Variants in NDC1 observed in about 807,000 individuals in gnomAD.
The protein encoded by NDC1 is nucleoporin NDC1.
NDC1 carries 24 observed loss-of-function variants against 89.8 expected under a neutral mutation model. That is an observed-to-expected ratio of 0.27 (90% CI 0.19 to 0.38). The LOEUF is 0.38. Ranked by LOEUF, NDC1 falls within the 10% of genes least tolerant of loss-of-function variation. The pLI is 1.00. For missense variants in NDC1, 728 were observed against 797.6 expected (o/e 0.91, Z 1.05); for synonymous variants, 296 against 284.8 (o/e 1.04, Z -0.39).
At chr1:53,781,759 T>C (rs974284478) in intron 16 of NDC1, among the ~76,000 whole-genome samples, 1 of 152,154 alleles carries the variant, frequency 6.6e-6, no homozygotes, top group Non-Finnish European at 1.5e-5. Context: ...AAGCCAAAAA[T>C]ATATAACAGG....
At chr1:53,791,686 A>G (rs1196994279) in intron 14 of NDC1, among the ~76,000 whole-genome samples, 1 of 152,182 alleles carries the variant, frequency 6.6e-6, no homozygotes, top group Non-Finnish European at 1.5e-5. Flanking sequence ...TAATAGACCC[A>G]CTTGCAAAAC....
rs1647073884 is a variant in NDC1, at chr1:53,767,298, AAAGACC to A, written c.*666_*671del. 1 of 152,212 alleles carries A rather than the reference AAAGACC, an allele frequency of 6.6e-6. No individual in the cohort carries two copies. Among genetic ancestry groups the A allele is most frequent in the African/African-American group, 2.4e-5 (1 of 41,470 alleles). 9.4% of individuals were successfully genotyped at this position (152,212 alleles called of 1,614,324 possible). A position where few individuals can be genotyped will look rare whatever the true frequency, so the allele number is the denominator to read the frequency against. On this transcript the variant is annotated 3_prime_UTR_variant, in exon 18 of 18. Coordinates refer to ENST00000371429, the MANE Select transcript of NDC1 (RefSeq NM_018087.5). Reference sequence around the variant, plus strand: ...CATAGATGTCAGTCAATTGTTTCTTAAAGACCAAATGTGAATTTTTAATCTTGTAAC... The same window carrying A: ...CATAGATGTCAGTCAATTGTTTCTTAAAATGTGAATTTTTAATCTTGTAAC...
At chr1:53,809,372 G>A (rs569691673) in intron 7 of NDC1, among the ~76,000 whole-genome samples, 3 of 152,158 alleles carry the variant, frequency 2.0e-5, no homozygotes, top group African/African-American at 7.2e-5. Context: ...TTCTTTTTGA[G>A]ACAGGGTCTC....
chr1:53,805,095 A>G (rs941256549), intron 9 of NDC1, among the ~76,000 whole-genome samples: 1 of 152,220 alleles, frequency 6.6e-6, no homozygotes, highest in African/African-American at 2.4e-5. Flanking sequence ...GTTATAATTA[A>G]TATTTAAAAG....
intron 2 of NDC1, among the ~76,000 whole-genome samples, chr1:53,833,914 C>T (rs1649148429): frequency 1.3e-5 from 2 of 151,680 alleles, no homozygotes; most frequent in African/African-American, 2.4e-5. Flanking sequence ...CAGCCTCCAC[C>T]CCCCACTCCC....
At chr1:53,769,564 G>T (rs1440017449) in intron 17 of NDC1, among the ~76,000 whole-genome samples, 1 of 152,168 alleles carries the variant, frequency 6.6e-6, no homozygotes, top group Non-Finnish European at 1.5e-5. Context: ...AGTAAATAGT[G>T]TTGAATGAAT....
In NDC1 at chr1:53,767,924, CT is replaced by C. The variant is rs759870110; in HGVS notation, c.*45del. ...GAATGCTGAACATTTACTGTCCCAT[CT>C]GTAGTTGTATCAGCAGTGTAATGAA... On this transcript the variant is annotated 3_prime_UTR_variant, in exon 18 of 18. Transcript: ENST00000371429. The C allele has an allele frequency of 3.4e-6, 4 of 1,163,244 alleles. No individual in the cohort carries two copies. Among genetic ancestry groups the C allele is most frequent in the Non-Finnish European group, 5.0e-6 (4 of 799,834 alleles). 72.1% of individuals were successfully genotyped at this position (1,163,244 alleles called of 1,614,324 possible). A position where few individuals can be genotyped will look rare whatever the true frequency, so the allele number is the denominator to read the frequency against.
chr1:53,812,276 T>C (rs896167523), intron 6 of NDC1, among the ~76,000 whole-genome samples: 2 of 151,962 alleles, frequency 1.3e-5, no homozygotes, highest in African/African-American at 4.8e-5. Context: ...TGACTTAACC[T>C]GAAAAAGAAT....
At chr1:53,790,897 C>T (rs1647475157) in intron 14 of NDC1, among the ~76,000 whole-genome samples, 1 of 152,134 alleles carries the variant, frequency 6.6e-6, no homozygotes, top group Non-Finnish European at 1.5e-5. Context: ...ATGATCAAGT[C>T]ACGGCATTTT....
intron 10 of NDC1, among the ~76,000 whole-genome samples, chr1:53,803,625 G>A (rs1647997511): frequency 6.6e-6 from 1 of 151,970 alleles, no homozygotes; most frequent in Admixed American, 6.5e-5. Flanking sequence ...AGGCTGGAGT[G>A]CAGTAGCGCA....
intron 14 of NDC1, among the ~76,000 whole-genome samples, chr1:53,791,837 TA>T (rs1266107187): frequency 5.3e-5 from 8 of 152,094 alleles, no homozygotes; most frequent in African/African-American, 1.9e-4. Flanking sequence ...AAAATGAGGA[TA>T]AAAAGACATA....
chr1:53,829,353 C>T (rs1311352332), intron 3 of NDC1, among the ~76,000 whole-genome samples: 1 of 152,114 alleles, frequency 6.6e-6, no homozygotes, highest in Non-Finnish European at 1.5e-5. Flanking sequence ...CTAAATATAC[C>T]AAACCCTCTC....
Position 53,765,829 on chromosome 1 carries a change from T to C in NDC1, c.*2141A>G, listed in dbSNP as rs1168687411. 2.6e-5 allele frequency: 4 copies of C among 152,204 alleles called. No individual in the cohort carries two copies. Among genetic ancestry groups the C allele is most frequent in the Non-Finnish European group, 1.5e-5 (1 of 68,038 alleles). 9.4% of individuals were successfully genotyped at this position (152,204 alleles called of 1,614,324 possible). ...CAATGTTACAGCATTAGTGGGCTCA[T>C]AGACAGGATGTGACTTCATCAAAGG... On this transcript the variant is annotated 3_prime_UTR_variant, in exon 18 of 18. Transcript: ENST00000371429.
chr1:53,809,803 C>T, intron 6 of NDC1, 57 bp from the exon 7 acceptor site: 1 of 1,383,954 alleles, frequency 7.2e-7, no homozygotes, highest in South Asian at 1.2e-5. Context: ...AAGTTTTAGT[C>T]AAGCTTTAGA....
At chr1:53,807,233 C>A (rs536634019) in intron 8 of NDC1, among the ~76,000 whole-genome samples, 12 of 108,648 alleles carry the variant, frequency 1.1e-4, no homozygotes, top group Admixed American at 7.1e-4. Context: ...GGTGACAGAG[C>A]GAGACCCTAT....
At chr1:53,800,374 T>C (rs548094258) in intron 11 of NDC1, among the ~76,000 whole-genome samples, 1 of 141,514 alleles carries the variant, frequency 7.1e-6, no homozygotes, top group South Asian at 2.4e-4. Flanking sequence ...TCTCACTCTG[T>C]CGCCAGGCTG....
At chr1:53,813,034 G>C (rs1286957056) in intron 6 of NDC1, among the ~76,000 whole-genome samples, 1 of 152,156 alleles carries the variant, frequency 6.6e-6, no homozygotes, top group African/African-American at 2.4e-5. Flanking sequence ...AAAACATACA[G>C]CCTTTTTCAG....
At chr1:53,812,826 G>A (rs780798532) in intron 6 of NDC1, among the ~76,000 whole-genome samples, 2 of 152,160 alleles carry the variant, frequency 1.3e-5, no homozygotes, top group Non-Finnish European at 2.9e-5. Flanking sequence ...AAGTTAAGAC[G>A]AAGGAAAGGA....
chr1:53,807,246 CAAAAAAAAAAAAAAAA>C (rs56393499), intron 8 of NDC1, among the ~76,000 whole-genome samples: 3 of 55,274 alleles, frequency 5.4e-5, no homozygotes, highest in African/African-American at 2.2e-4. Flanking sequence ...GACCCTATCT[CAAAAAAAAAAAAAAAA>C]AAAAAAAAAA....
Sources: gnomAD v4.1 joint callset for allele counts (sites outside exome capture counted in the v4.1 genomes callset) on GRCh38, gnomAD v4.1.1 for gene constraint, MANE v1.5 for transcripts, NCBI Gene and HGNC (gene_info 2026-07-23, HGNC 2026-07-21) for gene names.